DIDO1: variants seen among roughly 807,000 people sequenced by gnomAD.
The protein encoded by DIDO1 is death inducer-obliterator 1.
A neutral mutation model predicts 99.4 loss-of-function variants in DIDO1; 16 were observed. The observed-to-expected ratio is 0.16, with a 90% CI of 0.11 to 0.24. The LOEUF is 0.24. Among genes scored for constraint, DIDO1 ranks in the 10% least tolerant of loss-of-function variants. DIDO1 has a pLI of 1.00. For missense variants in DIDO1, 2,996 were observed against 3,014.0 expected, an observed-to-expected ratio of 0.99 and a Z score of 0.14; for synonymous variants, 1,366 against 1,239.1, an observed-to-expected ratio of 1.10 and a Z score of -2.15.
At position 62,896,154 on chromosome 20, in the gene DIDO1, T is replaced by G; in HGVS notation, c.2214+79A>C. ...AGCTTTCCTGGAAAGGACACGAACA[T>G]CTCAAAATATTGGTTGATCCCTTTA... On this transcript the variant is annotated intron_variant, in intron 8 of 15. Transcript: ENST00000395343. This position sits in a 1 kb window ranked among gnomAD's most constrained non-coding sequence, Gnocchi z 4.4. 2.2e-6 allele frequency: 3 copies of G among 1,392,184 alleles called. No homozygotes were observed. In the South Asian group the frequency reaches 4.1e-5, roughly 19 times the overall value. The allele number at this position is 1,392,184 out of a possible 1,614,324, so 86.2% of individuals were successfully genotyped here.
intron 1 of DIDO1, among the ~76,000 whole-genome samples, chr20:62,915,230 C>T (rs2147527115): frequency 6.6e-6 from 1 of 152,304 alleles, no homozygotes; most frequent in African/African-American, 2.4e-5. Context: ...ATCCCAGCTG[C>T]TTGGGAGGAC....
At chr20:62,900,779 C>T (rs1048171517) in intron 6 of DIDO1, among the ~76,000 whole-genome samples, 3 of 152,238 alleles carry the variant, frequency 2.0e-5, no homozygotes, top group Non-Finnish European at 4.4e-5. Context: ...CTCAGACCTC[C>T]ACTGGTCTCC....
At position 62,910,001 on chromosome 20, in the gene DIDO1, G is replaced by A. The variant is rs142808660; in HGVS notation, c.859C>T (p.Arg287Cys). Reference sequence around the variant, plus strand: ...TCGCCATGAAACCATTCTTCACAGCGGTCACAGCAAATCATAAACCTGAAA... The same window carrying A: ...TCGCCATGAAACCATTCTTCACAGCAGTCACAGCAAATCATAAACCTGAAA... ...HNNRFMICCD[R>C]CEEWFHGDCV... The change falls in exon 4 of 16, where the codon CGC becomes TGC. Residue 287 changes from arginine (R) to cysteine (C), a missense_variant. Coordinates refer to ENST00000395343, the MANE Select transcript of DIDO1 (RefSeq NM_001193369.2). The A allele has an allele frequency of 6.8e-6, 11 of 1,608,760 alleles. No individual in the cohort carries two copies. The highest frequency in any genetic ancestry group is 2.2e-5 in the South Asian group (2 of 91,066).
Position 62,893,683 on chromosome 20 carries a change from A to T in DIDO1, c.3084T>A (p.Pro1028=), listed in dbSNP as rs1466368082. 5.6e-6 allele frequency: 9 copies of T among 1,602,046 alleles called. No individual in the cohort carries two copies. The highest frequency in any genetic ancestry group is 7.7e-6 in the Non-Finnish European group (9 of 1,170,078). Residue 1028 remains proline (P), a synonymous_variant, in exon 12 of 16, where the codon CCT becomes CCA. Transcript: ENST00000395343. Reference sequence around the variant, plus strand: ...GTACGCACCTGATATTTGGTGACGGAGGAACTGACAGGTATCTTGGGTCAG... The same window carrying T: ...GTACGCACCTGATATTTGGTGACGGTGGAACTGACAGGTATCTTGGGTCAG... ...SSPDPRYLSV[P]PSPNISTSES...
At chr20:62,921,096 A>G (rs2065127593) in intron 1 of DIDO1, among the ~76,000 whole-genome samples, 1 of 152,070 alleles carries the variant, frequency 6.6e-6, no homozygotes, top group African/African-American at 2.4e-5. Flanking sequence ...GGGTTTCACC[A>G]TGTTGGCCAG....
In DIDO1 at chr20:62,894,566, A is replaced by AAAAAAGTGATACCCCGTCGGCGATCGG. The variant is rs2064474104; in HGVS notation, c.2437-19_2437-18insCCGATCGCCGACGGGGTATCACTTTTT. On this transcript the variant is annotated intron_variant, in intron 10 of 15. Coordinates refer to ENST00000395343, the MANE Select transcript of DIDO1 (RefSeq NM_001193369.2). This position sits in a 1 kb window ranked among gnomAD's most constrained non-coding sequence, Gnocchi z 4.4. ...TGCTGTTCCTAAAAAAGAAAAAGAA[A>AAAAAAGTGATACCCCGTCGGCGATCGG]AAAAAGTGAGGTCGTTTCTTCTCCA... 6.2e-7 allele frequency: 1 copy of AAAAAAGTGATACCCCGTCGGCGATCGG among 1,602,766 alleles called. No homozygotes were observed. Among genetic ancestry groups the AAAAAAGTGATACCCCGTCGGCGATCGG allele is most frequent in the Admixed American group, 1.7e-5 (1 of 58,990 alleles).
At position 62,896,099 on chromosome 20, in the gene DIDO1, G is replaced by A; in HGVS notation, c.2214+134C>T. On this transcript the variant is annotated intron_variant, in intron 8 of 15. Transcript: ENST00000395343. The surrounding 1 kb of genome is among the most constrained non-coding windows in gnomAD (Gnocchi z 4.4). Reference sequence around the variant, plus strand: ...CCAGTGCAACAATACGTGGGCGGCAGAAGGATCACAGAGGAGAAAGAAACG... The same window carrying A: ...CCAGTGCAACAATACGTGGGCGGCAAAAGGATCACAGAGGAGAAAGAAACG... 1 of 997,020 alleles carries A rather than the reference G, an allele frequency of 1.0e-6. No homozygotes were observed. Among genetic ancestry groups the A allele is most frequent in the Non-Finnish European group, 1.5e-6 (1 of 679,012 alleles). The allele number at this position is 997,020 out of a possible 1,614,324, so 61.8% of individuals were successfully genotyped here. A position where few individuals can be genotyped will look rare whatever the true frequency, so the allele number is the denominator to read the frequency against.
chr20:62,918,666 A>G (rs960127627), intron 1 of DIDO1, among the ~76,000 whole-genome samples: 5 of 152,228 alleles, frequency 3.3e-5, no homozygotes, highest in Non-Finnish European at 7.3e-5. Context: ...CCCTGAAACA[A>G]TATTCAAAAC....
intron 6 of DIDO1, among the ~76,000 whole-genome samples, chr20:62,901,263 T>G (rs938664119): frequency 1.3e-5 from 2 of 152,224 alleles, no homozygotes; most frequent in African/African-American, 4.8e-5. Flanking sequence ...CTCAAAGCTT[T>G]CCTTGGTCAG....
In DIDO1 at chr20:62,911,073, G is replaced by A. The variant is rs762090477; in HGVS notation, c.540C>T (p.Pro180=). The change falls in exon 3 of 16, where the codon CCC becomes CCT. Residue 180 remains proline, a synonymous_variant. Coordinates refer to ENST00000395343, the MANE Select transcript of DIDO1 (RefSeq NM_001193369.2). The surrounding 1 kb of genome is among the most constrained non-coding windows in gnomAD (Gnocchi z 7.0). ...RKREQEPTER[P]LKGIQSRLRK... is the part of the protein sequence containing the mutation. ...GCAGGCGACTCTGGATCCCTTTCAGGGGCCTCTCAGTGGGCTCCTGTTCCC... is the reference window on the plus strand; with the variant it reads ...GCAGGCGACTCTGGATCCCTTTCAGAGGCCTCTCAGTGGGCTCCTGTTCCC... The A allele has an allele frequency of 1.2e-6, 2 of 1,613,794 alleles. No individual in the cohort carries two copies. The highest frequency in any genetic ancestry group is 3.3e-5 in the Admixed American group (2 of 60,030).
chr20:62,881,295 G>A lies in DIDO1; in HGVS notation c.4661C>T (p.Ala1554Val), dbSNP rs750956157. The A allele has an allele frequency of 8.7e-6, 14 of 1,604,782 alleles. No individual in the cohort carries two copies. Among genetic ancestry groups the A allele is most frequent in the Admixed American group, 5.0e-5 (3 of 59,980 alleles). ...KPASLPPASQ[A>V]SNHRDPRQAR... is the part of the protein sequence containing the mutation. ...CTGCCGGGGGTCCCTGTGGTTTGAC[G>A]CCTGGCTGGCGGGGGGCAGTGAGGC... Residue 1554 changes from alanine (A) to valine (V), a missense_variant, in exon 16 of 16, where the codon GCG (alanine) becomes GTG (valine). Physicochemically the swap from Ala to Val is moderately conservative, Grantham distance 64. Coordinates refer to ENST00000395343, the MANE Select transcript of DIDO1 (RefSeq NM_001193369.2). This position sits in a 1 kb window ranked among gnomAD's most constrained non-coding sequence, Gnocchi z 8.3.
At chr20:62,904,499 G>A (rs1226179877) in intron 6 of DIDO1, among the ~76,000 whole-genome samples, 1 of 152,040 alleles carries the variant, frequency 6.6e-6, no homozygotes, top group Non-Finnish European at 1.5e-5. Context: ...CATATTTTTA[G>A]CCAAGCGCTG....
At position 62,880,918 on chromosome 20, in the gene DIDO1, T is replaced by A; in HGVS notation, c.5038A>T (p.Arg1680Trp). The change falls in exon 16 of 16, where the codon AGG becomes TGG. Residue 1680 changes from arginine (R) to tryptophan (W), a missense_variant. Arg to Trp is a moderately radical substitution (Grantham distance 101, BLOSUM62 -3). This residue lies in a region of DIDO1 where 1,562 missense variants were observed against 1,412.6 expected (regional missense o/e 1.11). Coordinates refer to ENST00000395343, the MANE Select transcript of DIDO1 (RefSeq NM_001193369.2). ...AACCCCGGGCAGGTGAAAGGGTCCCTCTCACCGTCGTGCTGCAGCGGGAAG... is the reference window on the plus strand; with the variant it reads ...AACCCCGGGCAGGTGAAAGGGTCCCACTCACCGTCGTGCTGCAGCGGGAAG... ...PGFPLQHDGERDPFTCPGFAS... is the reference protein window; with the variant it reads ...PGFPLQHDGEWDPFTCPGFAS... 6.2e-7 allele frequency: 1 copy of A among 1,610,368 alleles called. No individual in the cohort carries two copies. Among genetic ancestry groups the A allele is most frequent in the Non-Finnish European group, 8.5e-7 (1 of 1,179,872 alleles).
At position 62,881,813 on chromosome 20, in the gene DIDO1, G is replaced by T; in HGVS notation, c.4143C>A (p.Asp1381Glu). Residue 1381 changes from aspartate to glutamate, a missense_variant, in exon 16 of 16, where the codon GAC (aspartate) becomes GAA (glutamate). Physicochemically the swap from Asp to Glu is conservative, Grantham distance 45 (BLOSUM62 2). This residue lies in a region of DIDO1 where 1,562 missense variants were observed against 1,412.6 expected (regional missense o/e 1.11). Coordinates refer to ENST00000395343, the MANE Select transcript of DIDO1 (RefSeq NM_001193369.2). This position sits in a 1 kb window ranked among gnomAD's most constrained non-coding sequence, Gnocchi z 8.3. ...CCTCCTCAGGGTCGTATGGCCTGTC[G>T]TCCTCCTCTTCCTCTAGAGCCTTAT... The part of the protein sequence containing the change: ...SKDKALEEEE[D>E]DRPYDPEEEY... The T allele has an allele frequency of 6.2e-7, 1 of 1,613,472 alleles. No homozygotes were observed. The highest frequency in any genetic ancestry group is 8.5e-7 in the Non-Finnish European group (1 of 1,180,008).
chr20:62,896,326 C>T lies in DIDO1; in HGVS notation c.2121G>A (p.Glu707=). Residue 707 remains glutamate (E), a synonymous_variant, in exon 8 of 16, where the codon GAG becomes GAA. Coordinates refer to ENST00000395343, the MANE Select transcript of DIDO1 (RefSeq NM_001193369.2). The surrounding 1 kb of genome is among the most constrained non-coding windows in gnomAD (Gnocchi z 4.4). ...CTTGAAACAAGTTAAACATCTCCTT[C>T]TCAATATGGAGGGCAATTTTTCCTA... ...NEVGKIALHI[E]KEMFNLFQVT... 1 of 1,614,106 alleles carries T rather than the reference C, an allele frequency of 6.2e-7. No homozygotes were observed. The highest frequency in any genetic ancestry group is 8.5e-7 in the Non-Finnish European group (1 of 1,180,008).
In DIDO1 at chr20:62,880,851, T is replaced by G; in HGVS notation, c.5105A>C (p.Asp1702Ala). 6.2e-7 allele frequency: 1 copy of G among 1,612,726 alleles called. No homozygotes were observed. ...TCCAGCAGAATGAAGATTTCTTGGG[T>G]CCTCATACTGGGCTGAGCCGAGAGC... Reference protein sequence around the residue: ...DKALGSAQYEDPRNLHSAGRS... With the variant: ...DKALGSAQYEAPRNLHSAGRS... Residue 1702 changes from aspartate to alanine, a missense_variant, in exon 16 of 16, where the codon GAC becomes GCC. Asp to Ala is a moderately radical substitution (Grantham distance 126, BLOSUM62 -2). Around this residue, in one of 5 missense-constraint regions of DIDO1, gnomAD observed 1,562 missense variants for 1,412.6 expected, o/e 1.11. Coordinates refer to ENST00000395343, the MANE Select transcript of DIDO1 (RefSeq NM_001193369.2).
chr20:62,910,282 G>T (rs923403287), intron 3 of DIDO1, among the ~76,000 whole-genome samples: 5 of 152,126 alleles, frequency 3.3e-5, no homozygotes, highest in African/African-American at 1.2e-4. Context: ...CCAAAACTGC[G>T]ACAATGCCTT....
upstream of DIDO1, among the ~76,000 whole-genome samples, chr20:62,929,692 AGT>A (rs747875599): frequency 0.055 from 3,513 of 63,674 alleles, 708 homozygotes; most frequent in African/African-American, 0.21. Flanking sequence ...AAAAAGAAAA[AGT>A]GTATATATAT....
Position 62,879,129 on chromosome 20 carries a change from G to T in DIDO1, c.*104C>A. 1.8e-6 allele frequency: 2 copies of T among 1,089,624 alleles called. No homozygotes were observed. Among genetic ancestry groups the T allele is most frequent in the South Asian group, 2.2e-5 (1 of 45,962 alleles). The allele number at this position is 1,089,624 out of a possible 1,614,324, so 67.5% of individuals were successfully genotyped here. On this transcript the variant is annotated 3_prime_UTR_variant, in exon 16 of 16. Transcript: ENST00000395343. This position sits in a 1 kb window ranked among gnomAD's most constrained non-coding sequence, Gnocchi z 6.3. The stretch of plus-strand genomic sequence containing the variant: ...AAAATTACAGTAATGTTTAAGTCCA[G>T]AATATTCTATCCTGAATCTAAGATC...
Sources: allele counts gnomAD v4.1 joint callset (sites outside exome capture counted in the v4.1 genomes callset), GRCh38; gene constraint gnomAD v4.1.1; regional missense constraint gnomAD v4.1.1; non-coding constraint Gnocchi (gnomAD v3.1); transcripts MANE v1.5; gene names NCBI Gene and HGNC (gene_info 2026-07-23, HGNC 2026-07-21).